FSD2: variants seen among roughly 807,000 people sequenced by gnomAD.
FSD2 encodes the protein fibronectin type III and SPRY domain containing 2.
FSD2 carries 71 observed loss-of-function variants against 80.4 expected under a neutral mutation model. That is an observed-to-expected ratio of 0.88 (90% CI 0.73 to 1.08). The LOEUF (loss-of-function observed/expected upper bound fraction) is 1.08. Among genes scored for constraint, FSD2 ranks in the 50% least tolerant of loss-of-function variants. The pLI, the probability that FSD2 is intolerant of heterozygous loss-of-function variation, is 0.00. For missense variants in FSD2, 923 were observed against 913.8 expected, an observed-to-expected ratio of 1.01 and a Z score of -0.13; for synonymous variants, 361 against 329.5, an observed-to-expected ratio of 1.10 and a Z score of -1.03.
intron 1 of FSD2, among the ~76,000 whole-genome samples, chr15:82,790,171 G>T (rs1334204873): frequency 1.4e-5 from 2 of 142,662 alleles, no homozygotes; most frequent in African/African-American, 5.2e-5. Context: ...GCGAGACTCC[G>T]TCTCAAACAA....
In FSD2 at chr15:82,787,139, A is replaced by G. The variant is rs1596253166; in HGVS notation, c.252T>C (p.His84=). Residue 84 remains histidine (H), a synonymous_variant, in exon 2 of 13, where the codon CAT becomes CAC. Coordinates refer to ENST00000334574, the MANE Select transcript of FSD2 (RefSeq NM_001007122.4). The part of the protein sequence containing the change: ...LVHLYGLEDD[H]ELGDEFVDEN... ...CATCAACAAACTCATCCCCTAATTC[A>G]TGATCATCTTCAAGTCCATATAAGT... The G allele has an allele frequency of 6.2e-7, 1 of 1,613,952 alleles. No homozygotes were observed. The highest frequency in any genetic ancestry group is 8.5e-7 in the Non-Finnish European group (1 of 1,179,894).
chr15:82,769,368 G>A (rs1365181438), intron 8 of FSD2, among the ~76,000 whole-genome samples: 6 of 151,530 alleles, frequency 4.0e-5, no homozygotes, highest in African/African-American at 7.3e-5. Flanking sequence ...TCAGGAGTTC[G>A]AGACCAACCT....
At chr15:82,762,756 T>C (rs951952883) in intron 11 of FSD2, among the ~76,000 whole-genome samples, 3 of 152,174 alleles carry the variant, frequency 2.0e-5, no homozygotes, top group African/African-American at 4.8e-5. Context: ...GAGAACAAGA[T>C]AGCAGATTCC....
chr15:82,775,623 T>C (rs1212363935), intron 6 of FSD2, among the ~76,000 whole-genome samples: 1 of 152,174 alleles, frequency 6.6e-6, no homozygotes, highest in African/African-American at 2.4e-5. Context: ...TGGGATGTCA[T>C]ATATGACATT....
At chr15:82,789,635 T>C (rs184549151) in intron 1 of FSD2, among the ~76,000 whole-genome samples, 1 of 152,306 alleles carries the variant, frequency 6.6e-6, no homozygotes, top group East Asian at 1.9e-4. Context: ...TTCACAGATA[T>C]CCAACTACAG....
intron 10 of FSD2, 93 bp from the exon 11 acceptor site, chr15:82,765,391 A>T (rs2049392072): frequency 7.8e-6 from 12 of 1,529,062 alleles, no homozygotes. Context: ...TGTGGGATAC[A>T]CCTAAGCCTG....
intron 12 of FSD2, 104 bp downstream of exon 12, chr15:82,761,998 T>G (rs2049305772): frequency 9.4e-7 from 1 of 1,058,732 alleles, no homozygotes; most frequent in Non-Finnish European, 1.3e-6. Flanking sequence ...TATCTTAAAA[T>G]ATTTGTAAAA....
chr15:82,805,067 A>T lies in FSD2; in HGVS notation c.-79+899T>A, dbSNP rs544278389. 4.9e-4 allele frequency among the ~76,000 whole-genome samples: 75 copies of T among 152,304 alleles called. 2 individuals are homozygous for T. In the South Asian group the frequency reaches 6.0e-3, roughly 12 times the overall value. ...ATGCCAAGGGAAGCAGTTAAAAAAA[A>T]TAAAAAAGATGTTTGTCTAAGGCTT... On this transcript the variant is annotated intron_variant, in intron 1 of 12. Transcript: ENST00000334574.
At chr15:82,775,764 C>T (rs751146592) in intron 6 of FSD2, among the ~76,000 whole-genome samples, 9 of 152,084 alleles carry the variant, frequency 5.9e-5, no homozygotes, top group African/African-American at 9.7e-5. Context: ...TTAATGTAGG[C>T]GCTTATTGCT....
Position 82,762,141 on chromosome 15 carries a change from C to A in FSD2, c.1958G>T (p.Cys653Phe). ...VRKQEDLGAN[C>F]LSWCMRHTFA... is the part of the protein sequence containing the mutation. ...TGTGTGCCTCATGCACCAGGAGAGGCAATTTGCTCCCAGATCCTCCTGTTT... is the reference window on the plus strand; with the variant it reads ...TGTGTGCCTCATGCACCAGGAGAGGAAATTTGCTCCCAGATCCTCCTGTTT... Residue 653 changes from cysteine to phenylalanine, a missense_variant, in exon 12 of 13, where the codon TGC becomes TTC. Transcript: ENST00000334574. 6.2e-7 allele frequency: 1 copy of A among 1,610,306 alleles called. No individual in the cohort carries two copies. The highest frequency in any genetic ancestry group is 8.5e-7 in the Non-Finnish European group (1 of 1,178,154).
intron 1 of FSD2, among the ~76,000 whole-genome samples, chr15:82,791,978 T>C (rs749558351): frequency 5.3e-5 from 8 of 152,248 alleles, no homozygotes; most frequent in Non-Finnish European, 1.0e-4. Flanking sequence ...TGTTTGTCCA[T>C]GCATCAGTTG....
intron 4 of FSD2, among the ~76,000 whole-genome samples, chr15:82,781,230 T>C (rs879308781): frequency 6.6e-6 from 1 of 152,238 alleles, no homozygotes; most frequent in Non-Finnish European, 1.5e-5. Flanking sequence ...CCATCATACA[T>C]AACAGTGAGA....
chr15:82,783,059 C>T (rs761267777), intron 3 of FSD2, 34 bp from the exon 4 acceptor site: 22 of 1,446,948 alleles, frequency 1.5e-5, no homozygotes, highest in South Asian at 1.3e-4. Flanking sequence ...ATCATTTCAG[C>T]GCATGTAGTG....
chr15:82,762,596 G>T (rs1236217616), intron 11 of FSD2, among the ~76,000 whole-genome samples: 4 of 152,126 alleles, frequency 2.6e-5, no homozygotes, highest in African/African-American at 9.7e-5. Flanking sequence ...AAAAAGAAAA[G>T]GGTTGAAAAT....
At chr15:82,784,913 C>T (rs540890235) in intron 3 of FSD2, among the ~76,000 whole-genome samples, 1 of 152,300 alleles carries the variant, frequency 6.6e-6, no homozygotes, top group East Asian at 1.9e-4. Context: ...AGGGCACACA[C>T]AGGGGACTGT....
rs1567308251 is a variant in FSD2 at position 82,778,798 on chromosome 15, TC to T, written c.1078del (p.Glu360SerfsTer3). 6.2e-7 allele frequency: 1 copy of T among 1,613,652 alleles called. No homozygotes were observed. On this transcript the variant is annotated frameshift_variant, in exon 6 of 13. Transcript: ENST00000334574. LOFTEE classifies it high-confidence loss of function. ...EDQTLDFSDV[E>X]QLMGSINTIP... Reference sequence around the variant, plus strand: ...GGTGTTAATGGAGCCCATCAGCTGCTCCACATCAGAGAAATCCAAGGTCTGG... The same window carrying T: ...GGTGTTAATGGAGCCCATCAGCTGCTCACATCAGAGAAATCCAAGGTCTGG...
In FSD2 at chr15:82,756,601, C is replaced by A. The variant is rs924809333; in HGVS notation, c.*2747G>T. ...GTCATTTTAGATTGCAAGTCTCAAA[C>A]CAACTTTCCAATTCTGACTTGTAAG... On this transcript the variant is annotated 3_prime_UTR_variant, in exon 13 of 13. Transcript: ENST00000334574. 2.0e-5 allele frequency: 3 copies of A among 152,220 alleles called. No homozygotes were observed. In the South Asian group the frequency reaches 6.2e-4, roughly 32 times the overall value. 9.4% of individuals were successfully genotyped at this position (152,220 alleles called of 1,614,324 possible). A position where few individuals can be genotyped will look rare whatever the true frequency, so the allele number is the denominator to read the frequency against.
At chr15:82,786,418 A>C in intron 3 of FSD2, 93 bp downstream of exon 3, 1 of 966,988 alleles carries the variant, frequency 1.0e-6, no homozygotes, top group South Asian at 1.4e-5. Context: ...TTCTAAGAAA[A>C]CAGATTCTCT....
In FSD2 at chr15:82,768,978, A is replaced by G; in HGVS notation, c.1455T>C (p.Ala485=). ...TCCCAGACTCCCAGCAAATCAGCACAGCCTCTTCACAGCTCCTTATCTCTT... is the reference window on the plus strand; with the variant it reads ...TCCCAGACTCCCAGCAAATCAGCACGGCCTCTTCACAGCTCCTTATCTCTT... ...KTKEIRSCEE[A]VLICWESGNL... Residue 485 remains alanine (A), a synonymous_variant, in exon 9 of 13, where the codon GCT becomes GCC. Transcript: ENST00000334574. 6.2e-7 allele frequency: 1 copy of G among 1,606,482 alleles called. No individual in the cohort carries two copies. Among genetic ancestry groups the G allele is most frequent in the Non-Finnish European group, 8.5e-7 (1 of 1,176,600 alleles).
Sources: allele counts gnomAD v4.1 joint callset (sites outside exome capture counted in the v4.1 genomes callset), GRCh38; gene constraint gnomAD v4.1.1; transcripts MANE v1.5; gene names NCBI Gene and HGNC (gene_info 2026-07-23, HGNC 2026-07-21).